The following PEAR1 variants were observed in gnomAD, a reference collection of about 807,000 sequenced individuals.
The protein encoded by PEAR1 is platelet endothelial aggregation receptor 1.
A neutral mutation model predicts 131.2 loss-of-function variants in PEAR1; 113 were observed. The ratio of observed to expected loss-of-function variants is 0.86; its 90% confidence interval spans 0.74 to 1.01. The LOEUF (loss-of-function observed/expected upper bound fraction) is 1.01. Ranked by LOEUF, PEAR1 falls within the 50% of genes least tolerant of loss-of-function variation. The pLI, the probability that PEAR1 is intolerant of heterozygous loss-of-function variation, is 0.00. For synonymous variants in PEAR1, 565 were observed against 523.3 expected (o/e 1.08, Z -1.09); for missense variants, 1,408 against 1,391.1 (o/e 1.01, Z -0.19).
At chr1:156,909,181 CCA>C in intron 11 of PEAR1, 145 bp downstream of exon 11, 1 of 1,100,654 alleles carries the variant, frequency 9.1e-7, no homozygotes, top group Non-Finnish European at 1.3e-6. Flanking sequence ...GGGAAAGTAT[CCA>C]GGCTACTTTC....
chr1:156,908,998 C>T lies in PEAR1; in HGVS notation c.1373C>T (p.Ala458Val), dbSNP rs945115143. The change falls in exon 11 of 23, where the codon GCC becomes GTC. Residue 458 changes from alanine to valine, a missense_variant. Ala to Val is a moderately conservative substitution (Grantham distance 64). Coordinates refer to ENST00000292357, the MANE Select transcript of PEAR1 (RefSeq NM_001080471.3). The surrounding 1 kb of genome is among the most constrained non-coding windows in gnomAD (Gnocchi z 4.2). Reference protein sequence around the residue: ...SARCSCENAIACSPIDGECVC... With the variant: ...SARCSCENAIVCSPIDGECVC... ...CGCTGCTCATGTGAAAATGCCATCG[C>T]CTGCTCACCCATCGACGGCGAGTGC... 1.9e-6 allele frequency: 3 copies of T among 1,614,004 alleles called. No homozygotes were observed. The highest frequency in any genetic ancestry group is 2.7e-5 in the African/African-American group (2 of 74,920).
chr1:156,899,799 A>C, intron 1 of PEAR1, among the ~76,000 whole-genome samples: 1 of 148,986 alleles, frequency 6.7e-6, no homozygotes, highest in African/African-American at 2.5e-5. Context: ...TGGGATTCAC[A>C]CCCAGGCTTG....
At position 156,914,864 on chromosome 1, in the gene PEAR1, C is replaced by A; in HGVS notation, c.*66C>A. 1.3e-6 allele frequency: 2 copies of A among 1,552,386 alleles called. No individual in the cohort carries two copies. The highest frequency in any genetic ancestry group is 2.3e-5 in the East Asian group (1 of 43,286). On this transcript the variant is annotated 3_prime_UTR_variant, in exon 23 of 23. Transcript: ENST00000292357. Reference sequence around the variant, plus strand: ...TTGCTGCTCAAGGCTGGGGACAGAGCCTAGTGTACCCCTGCCAGGAGCAGG... The same window carrying A: ...TTGCTGCTCAAGGCTGGGGACAGAGACTAGTGTACCCCTGCCAGGAGCAGG...
intron 7 of PEAR1, 88 bp from the exon 8 acceptor site, chr1:156,907,827 C>T: frequency 6.4e-7 from 1 of 1,568,120 alleles, no homozygotes; most frequent in Non-Finnish European, 8.7e-7. Context: ...GGGGGGTGAG[C>T]TCTGTGGTTA....
rs1185651616 is a variant in PEAR1, at chr1:156,915,546, C to A, written c.*748C>A. The A allele has an allele frequency of 6.6e-6, 1 of 152,352 alleles. No homozygotes were observed. The highest frequency in any genetic ancestry group is 1.5e-5 in the Non-Finnish European group (1 of 68,126). 9.4% of individuals were successfully genotyped at this position (152,352 alleles called of 1,614,324 possible). A position where few individuals can be genotyped will look rare whatever the true frequency, so the allele number is the denominator to read the frequency against. Reference sequence around the variant, plus strand: ...CCTGCACACCTGGAGTGCCCTTCCTCCCCCACTCGCCTGTTCACCCCTGCT... The same window carrying A: ...CCTGCACACCTGGAGTGCCCTTCCTACCCCACTCGCCTGTTCACCCCTGCT... On this transcript the variant is annotated 3_prime_UTR_variant, in exon 23 of 23. Coordinates refer to ENST00000292357, the MANE Select transcript of PEAR1 (RefSeq NM_001080471.3).
rs186465653 is a variant in PEAR1, at chr1:156,903,934, C to T, written c.8C>T (p.Pro3Leu). MS[P>L]PLCPLLLLAV... Reference sequence around the variant, plus strand: ...TTGCTGCAGGCCTCTGCAATGTCACCGCCTCTGTGTCCCCTCCTTCTCCTG... The same window carrying T: ...TTGCTGCAGGCCTCTGCAATGTCACTGCCTCTGTGTCCCCTCCTTCTCCTG... The change falls in exon 2 of 23, where the codon CCG becomes CTG. Residue 3 changes from proline (P) to leucine (L), a missense_variant. By Grantham distance (98) the Pro-to-Leu change is moderately conservative. Coordinates refer to ENST00000292357, the MANE Select transcript of PEAR1 (RefSeq NM_001080471.3). The T allele has an allele frequency of 8.0e-5, 129 of 1,613,934 alleles. No homozygotes were observed. The highest frequency in any genetic ancestry group is 1.0e-4 in the Non-Finnish European group (120 of 1,179,954).
rs1377968225 is a variant in PEAR1, at chr1:156,914,055, C to T, written c.2917C>T (p.Gln973Ter). The T allele has an allele frequency of 1.2e-6, 2 of 1,608,068 alleles. No homozygotes were observed. Among genetic ancestry groups the T allele is most frequent in the East Asian group, 2.2e-5 (1 of 44,530 alleles). ...DSQRRRQPQP[Q>*]RDSGTYEQPS... ...CCAGAGGCGGCGGCAACCCCAGCCA[C>T]AGAGAGACAGTGGCACCTACGAGCA... The change falls in exon 22 of 23, where the codon CAG becomes TAG. Residue 973 changes from glutamine to a stop codon, truncating the protein, a stop_gained. Coordinates refer to ENST00000292357, the MANE Select transcript of PEAR1 (RefSeq NM_001080471.3). LOFTEE classifies it high-confidence loss of function.
chr1:156,912,886 A>G lies in PEAR1; in HGVS notation c.2326A>G (p.Ile776Val), dbSNP rs1651394526. ...SLVVALVALF[I>V]GYRHWQKGKE... ...TGTGGTAGCCCTGGTGGCACTGTTC[A>G]TTGGCTATCGGCACTGGCAAAAAGG... Residue 776 changes from isoleucine (I) to valine (V), a missense_variant, in exon 18 of 23, where the codon ATT becomes GTT. Transcript: ENST00000292357. The G allele has an allele frequency of 1.9e-6, 3 of 1,614,084 alleles. No individual in the cohort carries two copies. The highest frequency in any genetic ancestry group is 1.1e-5 in the South Asian group (1 of 91,092).
intron 6 of PEAR1, 127 bp downstream of exon 6, chr1:156,907,007 G>T (rs1650405779): frequency 2.2e-6 from 3 of 1,364,810 alleles, no homozygotes; most frequent in Admixed American, 2.4e-5. Flanking sequence ...CAAGATCCTG[G>T]TCCCAGTGGA....
intron 2 of PEAR1, 75 bp downstream of exon 2, chr1:156,904,102 C>T: frequency 8.1e-7 from 1 of 1,237,256 alleles, no homozygotes; most frequent in Admixed American, 1.7e-5. Flanking sequence ...CTACTGGGGT[C>T]CTTTTCTTGG....
In PEAR1 at chr1:156,908,608, GC is replaced by G. The variant is rs1213647692; in HGVS notation, c.1116-43del. The G allele has an allele frequency of 3.1e-5, 46 of 1,466,176 alleles. No homozygotes were observed. The highest frequency in any genetic ancestry group is 4.0e-5 in the Non-Finnish European group (44 of 1,107,236). 90.8% of individuals were successfully genotyped at this position (1,466,176 alleles called of 1,614,324 possible). On this transcript the variant is annotated intron_variant, in intron 9 of 22. Coordinates refer to ENST00000292357, the MANE Select transcript of PEAR1 (RefSeq NM_001080471.3). This position sits in a 1 kb window ranked among gnomAD's most constrained non-coding sequence, Gnocchi z 4.2. ...CGCGGAGGGGTCGGGAAGCTGCCCT[GC>G]CCCTGCCCAGCTCAGACCGCGCCAC...
rs1401848165 is a variant in PEAR1, at chr1:156,910,126, C to T, written c.1678+18C>T. 1 of 1,613,976 alleles carries T rather than the reference C, an allele frequency of 6.2e-7. No individual in the cohort carries two copies. The highest frequency in any genetic ancestry group is 2.2e-5 in the East Asian group (1 of 44,892). ...CTGGATGGGTGAGCATTCTGGGGCC[C>T]CAGGCCTACTGTGGATTGGGGGATG... is the stretch of plus-strand genomic sequence containing the variant. On this transcript the variant is annotated intron_variant, in intron 13 of 22. Coordinates refer to ENST00000292357, the MANE Select transcript of PEAR1 (RefSeq NM_001080471.3).
Position 156,915,639 on chromosome 1 carries a change from C to G in PEAR1, c.*841C>G, listed in dbSNP as rs1651797424. ...ACATCTTTCACAGCCCTGATTGCAGCTGTGTTCACTCACCAGGTACCTGCA... is the reference window on the plus strand; with the variant it reads ...ACATCTTTCACAGCCCTGATTGCAGGTGTGTTCACTCACCAGGTACCTGCA... On this transcript the variant is annotated 3_prime_UTR_variant, in exon 23 of 23. Transcript: ENST00000292357. The G allele has an allele frequency of 6.6e-6, 1 of 152,280 alleles. No individual in the cohort carries two copies. Among genetic ancestry groups the G allele is most frequent in the African/African-American group, 2.4e-5 (1 of 41,456 alleles). The allele number at this position is 152,280 out of a possible 1,614,324, so 9.4% of individuals were successfully genotyped here.
At chr1:156,912,652 A>G in intron 17 of PEAR1, 30 bp downstream of exon 17, 1 of 1,609,892 alleles carries the variant, frequency 6.2e-7, no homozygotes, top group Non-Finnish European at 8.5e-7. Context: ...CTTCCCACCC[A>G]TTGTCCCCAG....
chr1:156,908,992 C>G lies in PEAR1; in HGVS notation c.1367C>G (p.Ala456Gly). The G allele has an allele frequency of 6.2e-7, 1 of 1,614,088 alleles. No individual in the cohort carries two copies. The highest frequency in any genetic ancestry group is 8.5e-7 in the Non-Finnish European group (1 of 1,180,032). ...TCTGCACGCTGCTCATGTGAAAATG[C>G]CATCGCCTGCTCACCCATCGACGGC... ...NCSARCSCEN[A>G]IACSPIDGEC... The change falls in exon 11 of 23, where the codon GCC becomes GGC. Residue 456 changes from alanine (A) to glycine (G), a missense_variant. Ala to Gly is a moderately conservative substitution (Grantham distance 60). Coordinates refer to ENST00000292357, the MANE Select transcript of PEAR1 (RefSeq NM_001080471.3). This position sits in a 1 kb window ranked among gnomAD's most constrained non-coding sequence, Gnocchi z 4.2.
At chr1:156,906,435 C>G in intron 5 of PEAR1, 67 bp downstream of exon 5, 1 of 1,579,856 alleles carries the variant, frequency 6.3e-7, no homozygotes, top group Non-Finnish European at 8.7e-7. Context: ...CTCAGGTACA[C>G]CCTCCCTACC....
Position 156,909,915 on chromosome 1 carries a change from G to A in PEAR1, c.1575+1G>A. 1 of 1,609,458 alleles carries A rather than the reference G, an allele frequency of 6.2e-7. No individual in the cohort carries two copies. The highest frequency in any genetic ancestry group is 8.5e-7 in the Non-Finnish European group (1 of 1,177,110). ...GGCCCACTGCCAGCTGCCCTGTCCG[G>A]TGAGTGCTGGACAGCCTGTCTGCCT... On this transcript the variant is annotated splice_donor_variant, in intron 12 of 22. Transcript: ENST00000292357. LOFTEE classifies it high-confidence loss of function.
Position 156,912,940 on chromosome 1 carries a change from T to C in PEAR1, c.2380T>C (p.Tyr794His), listed in dbSNP as rs576333659. 1 of 1,614,206 alleles carries C rather than the reference T, an allele frequency of 6.2e-7. No individual in the cohort carries two copies. Among genetic ancestry groups the C allele is most frequent in the African/African-American group, 1.3e-5 (1 of 75,060 alleles). ...GGAGCACCACCACCTGGCTGTGGCT[T>C]ACAGCAGCGGGCGCCTGGACGGCTC... is the stretch of plus-strand genomic sequence containing the variant. ...GKEHHHLAVAYSSGRLDGSEY... is the reference protein window; with the variant it reads ...GKEHHHLAVAHSSGRLDGSEY... The change falls in exon 18 of 23, where the codon TAC (tyrosine) becomes CAC (histidine). Residue 794 changes from tyrosine (Y) to histidine (H), a missense_variant. Transcript: ENST00000292357.
chr1:156,899,998 C>T (rs572845971), intron 1 of PEAR1, among the ~76,000 whole-genome samples: 1 of 152,004 alleles, frequency 6.6e-6, no homozygotes, highest in Non-Finnish European at 1.5e-5. Flanking sequence ...CACCCCTGCT[C>T]CCCTAGAGCC....
Sources: gnomAD v4.1 joint callset for allele counts (sites outside exome capture counted in the v4.1 genomes callset) on GRCh38, gnomAD v4.1.1 for gene constraint, Gnocchi (gnomAD v3.1) non-coding constraint, MANE v1.5 for transcripts, NCBI Gene and HGNC (gene_info 2026-07-23, HGNC 2026-07-21) for gene names.